The following CFAP92 variants were observed in gnomAD, a reference collection of about 807,000 sequenced individuals.
CFAP92 encodes the protein cilia and flagella associated protein 92 (putative), also known as uncharacterized protein CFAP92.
CFAP92 carries 86 observed loss-of-function variants against 106.3 expected under a neutral mutation model. That is an observed-to-expected ratio of 0.81 (90% CI 0.68 to 0.97). The LOEUF (loss-of-function observed/expected upper bound fraction) is 0.97, where lower values mean the gene tolerates loss of function less well. CFAP92 is among the 50% of genes least tolerant of loss of function. CFAP92 has a pLI of 0.00. For synonymous variants in CFAP92, 477 were observed against 506.4 expected, an observed-to-expected ratio of 0.94 and a Z score of 0.78; for missense variants, 1,204 against 1,283.8, an observed-to-expected ratio of 0.94 and a Z score of 0.95.
At chr3:128,932,342 A>G (rs57738304) in intron 12 of CFAP92, among the ~76,000 whole-genome samples, 1 of 150,404 alleles carries the variant, frequency 6.6e-6, no homozygotes, top group Admixed American at 6.6e-5. Context: ...TGGACATCTT[A>G]TGACACTTAT....
At chr3:128,997,017 C>T (rs545403329), upstream of CFAP92, among the ~76,000 whole-genome samples, 1 of 152,378 alleles carries the variant, frequency 6.6e-6, no homozygotes, top group African/African-American at 2.4e-5. Flanking sequence ...CACCATGTCA[C>T]TCTGCTACAT....
intron 4 of CFAP92, among the ~76,000 whole-genome samples, chr3:128,979,189 A>G (rs958898396): frequency 1.3e-5 from 2 of 152,286 alleles, no homozygotes; most frequent in African/African-American, 4.8e-5. Context: ...CAACAGACAC[A>G]TGAAAAATGC....
chr3:128,938,491 CTTTTTT>C (rs11361650), intron 10 of CFAP92, among the ~76,000 whole-genome samples: 1 of 135,828 alleles, frequency 7.4e-6, no homozygotes, highest in Non-Finnish European at 1.6e-5. Flanking sequence ...CTTCACCATT[CTTTTTT>C]TTTTTTTTTT....
At chr3:128,943,808 A>G (rs986337862) in intron 10 of CFAP92, among the ~76,000 whole-genome samples, 4 of 151,986 alleles carry the variant, frequency 2.6e-5, no homozygotes, top group African/African-American at 9.7e-5. Context: ...AAGTGCTGGG[A>G]TAACAGGTGT....
chr3:129,008,704 G>T, the CFAP92 span, among the ~76,000 whole-genome samples: 3 of 152,234 alleles, frequency 2.0e-5, no homozygotes, highest in African/African-American at 7.2e-5. Context: ...TTTCAGAGCT[G>T]TAGGAGTTGC....
chr3:128,993,835 G>A (rs1310152094), intron 1 of CFAP92, 145 bp downstream of exon 1: 13 of 547,216 alleles, frequency 2.4e-5, no homozygotes, highest in Non-Finnish European at 3.1e-5. Context: ...GCTGGGCTCG[G>A]GGCATCAGCT....
At chr3:128,975,396 A>AATGG (rs1486916118) in intron 7 of CFAP92, among the ~76,000 whole-genome samples, 1 of 151,978 alleles carries the variant, frequency 6.6e-6, no homozygotes, top group Non-Finnish European at 1.5e-5. Flanking sequence ...AAATGGAACA[A>AATGG]ATGGATGGAT....
intron 10 of CFAP92, among the ~76,000 whole-genome samples, chr3:128,938,162 G>A (rs2107715102): frequency 6.6e-6 from 1 of 151,944 alleles, no homozygotes; most frequent in Non-Finnish European, 1.5e-5. Context: ...AGGTGGGGGG[G>A]TCAAGGCTGC....
At chr3:129,012,697 T>C in the CFAP92 span, among the ~76,000 whole-genome samples, 1 of 152,092 alleles carries the variant, frequency 6.6e-6, no homozygotes, top group East Asian at 1.9e-4. Context: ...TGGGTGGCCA[T>C]AGAAGTGGGA....
chr3:129,010,080 G>A, the CFAP92 span, among the ~76,000 whole-genome samples: 1 of 152,234 alleles, frequency 6.6e-6, no homozygotes, highest in Admixed American at 6.5e-5. The surrounding 1 kb of genome is among the most constrained non-coding windows in gnomAD (Gnocchi z 4.3). Flanking sequence ...AGCGGGCATG[G>A]GAGTGGATGC....
At chr3:129,024,014 G>A in the CFAP92 span, among the ~76,000 whole-genome samples, 3 of 152,154 alleles carry the variant, frequency 2.0e-5, no homozygotes, top group African/African-American at 7.2e-5. Flanking sequence ...CCCTGGCCTG[G>A]CCTTTCCTTG....
chr3:128,978,306 T>G, intron 4 of CFAP92, 121 bp from the exon 5 acceptor site: 2 of 952,704 alleles, frequency 2.1e-6, no homozygotes, highest in Non-Finnish European at 3.1e-6. Context: ...CTAAAGTAAA[T>G]ATCACAATAA....
chr3:128,931,011 T>G (rs1938306033), intron 12 of CFAP92, among the ~76,000 whole-genome samples: 1 of 152,086 alleles, frequency 6.6e-6, no homozygotes, highest in Non-Finnish European at 1.5e-5. Context: ...ATTCAAGTGA[T>G]TCTCCTGCTT....
intron 12 of CFAP92, among the ~76,000 whole-genome samples, chr3:128,919,350 T>C (rs551371430): frequency 1.3e-5 from 2 of 152,196 alleles, no homozygotes; most frequent in African/African-American, 2.4e-5. Context: ...CAAAAAGGCA[T>C]GAGAAAACAA....
intron 9 of CFAP92, among the ~76,000 whole-genome samples, chr3:128,950,482 C>T (rs570916592): frequency 2.6e-5 from 4 of 152,318 alleles, no homozygotes; most frequent in East Asian, 3.9e-4. Flanking sequence ...ACACACGTGA[C>T]GACAGTGCCC....
chr3:129,015,574 C>T, the CFAP92 span, among the ~76,000 whole-genome samples: 3 of 110,164 alleles, frequency 2.7e-5, no homozygotes, highest in African/African-American at 1.1e-4. Flanking sequence ...CCCAGGCTGA[C>T]ACCCTGCACG....
At chr3:128,964,115 C>A (rs1942177697) in intron 9 of CFAP92, among the ~76,000 whole-genome samples, 1 of 152,230 alleles carries the variant, frequency 6.6e-6, no homozygotes, top group Admixed American at 6.5e-5. Flanking sequence ...TTAGTCAAAT[C>A]AGCCAAGCAG....
At chr3:128,958,998 G>A (rs13323400) in intron 9 of CFAP92, among the ~76,000 whole-genome samples, 2,113 of 152,250 alleles carry the variant, frequency 0.014, 49 homozygotes, top group African/African-American at 0.047. Context: ...ATCACCTGAG[G>A]TCAGGAGTTT....
rs1005051746 is a variant in CFAP92 at position 128,965,700 on chromosome 3, G to T, written c.1169-5C>A. On this transcript the variant is annotated splice_polypyrimidine_tract_variant and splice_region_variant and intron_variant, in intron 8 of 15. Coordinates refer to ENST00000645291, the MANE Select transcript of CFAP92 (RefSeq NM_001394090.1). ...GACTCACGACAGTTTGCCATCCTGG[G>T]GGAAATACACCCAGCATTAGACCTT... 3 of 398,454 alleles carry T rather than the reference G, an allele frequency of 7.5e-6. No individual in the cohort carries two copies. The highest frequency in any genetic ancestry group is 1.2e-3 in the Middle Eastern group (2 of 1,610). The allele number at this position is 398,454 out of a possible 1,614,324, so 24.7% of individuals were successfully genotyped here.
Sources: allele counts gnomAD v4.1 joint callset (sites outside exome capture counted in the v4.1 genomes callset), GRCh38; gene constraint gnomAD v4.1.1; non-coding constraint Gnocchi (gnomAD v3.1); transcripts MANE v1.5; gene names NCBI Gene and HGNC (gene_info 2026-07-23, HGNC 2026-07-21).